Variants in DENND4A observed in about 807,000 individuals in gnomAD.
The protein encoded by DENND4A is C-myc promoter-binding protein.
Under a neutral mutation model 199.3 loss-of-function variants are expected in DENND4A, and 70 were observed. The ratio of observed to expected loss-of-function variants is 0.35; its 90% CI spans 0.29 to 0.43. DENND4A has a LOEUF of 0.43. Among genes scored for constraint, DENND4A ranks in the 20% least tolerant of loss-of-function variants. DENND4A has a pLI of 1.00. For missense variants in DENND4A, 1,723 were observed against 2,255.8 expected (o/e 0.76, Z 4.78); for synonymous variants, 686 against 766.9 (o/e 0.89, Z 1.74).
intron 5 of DENND4A, 47 bp from the exon 6 acceptor site, chr15:65,738,922 G>T: frequency 2.2e-6 from 3 of 1,349,870 alleles, no homozygotes; most frequent in Non-Finnish European, 3.0e-6. Flanking sequence ...TTGAATTTAG[G>T]TACTTATTAT....
chr15:65,718,811 G>A (rs2075507909), intron 12 of DENND4A, among the ~76,000 whole-genome samples: 1 of 96,636 alleles, frequency 1.0e-5, no homozygotes, highest in African/African-American at 3.9e-5. Context: ...ACAGAGTCTT[G>A]GTCTGTCACC....
intron 1 of DENND4A, among the ~76,000 whole-genome samples, chr15:65,768,024 T>C (rs1443287141): frequency 6.6e-6 from 1 of 152,122 alleles, no homozygotes; most frequent in Non-Finnish European, 1.5e-5. Context: ...CAGAGAGAAA[T>C]ATGTAACCAC....
rs2077173440 is a variant in DENND4A at position 65,697,144 on chromosome 15, G to A, written c.2950+123C>T. ...GTGGTGGCTGAGAGGGCACGTAATG[G>A]TAGAAAAGAAAGAGTTATAATGGAA... On this transcript the variant is annotated intron_variant, in intron 21 of 32. Transcript: ENST00000443035. 29 of 623,846 alleles carry A rather than the reference G, an allele frequency of 4.6e-5. 1 individual carries two copies. The South Asian group carries it at 6.2e-4, about 13-fold the overall frequency. 38.6% of individuals were successfully genotyped at this position (623,846 alleles called of 1,614,324 possible).
intron 23 of DENND4A, chr15:65,681,378 T>C (rs192440700): frequency 3.9e-5 from 6 of 152,384 alleles, no homozygotes; most frequent in African/African-American, 1.4e-4. Context: ...GTTTTCAATT[T>C]ATTTTGCCCA....
In DENND4A at chr15:65,702,468, A is replaced by G; in HGVS notation, c.2267T>C (p.Ile756Thr). The stretch of plus-strand genomic sequence containing the variant: ...TAGACACCTAGACCACATCTGAGGG[A>G]TGGAAGAGTACCTCTTTGCAATTTT... ...AHKIAKRYSS[I>T]PQMWSRCLLR... Residue 756 changes from isoleucine to threonine, a missense_variant, in exon 17 of 33, where the codon ATC becomes ACC. Physicochemically the swap from Ile to Thr is moderately conservative, Grantham distance 89. Transcript: ENST00000443035. The G allele has an allele frequency of 1.3e-6, 2 of 1,597,480 alleles. No homozygotes were observed. The highest frequency in any genetic ancestry group is 1.1e-5 in the South Asian group (1 of 87,774).
At chr15:65,745,971 C>CAAAA in intron 4 of DENND4A, among the ~76,000 whole-genome samples, 1 of 137,868 alleles carries the variant, frequency 7.3e-6, no homozygotes, top group African/African-American at 2.8e-5. Context: ...CCGTCTCTAC[C>CAAAA]AAAAAAAAAA....
rs1023965261 is a variant in DENND4A, at chr15:65,665,515, A to T, written c.5242-53T>A. 6 of 1,356,864 alleles carry T rather than the reference A, an allele frequency of 4.4e-6. No individual in the cohort carries two copies. The Middle Eastern group carries it at 9.3e-4, about 211-fold the overall frequency. 84.1% of individuals were successfully genotyped at this position (1,356,864 alleles called of 1,614,324 possible). ...TGATCCTTACATGATAATTTTTCAT[A>T]AGTATTTTATAAAATTCTTATAAAT... On this transcript the variant is annotated intron_variant, in intron 29 of 32. Transcript: ENST00000443035.
At chr15:65,718,038 A>C in intron 12 of DENND4A, 42 bp from the exon 13 acceptor site, 1 of 1,412,402 alleles carries the variant, frequency 7.1e-7, no homozygotes, top group Non-Finnish European at 9.7e-7. Context: ...CAAACTCACA[A>C]AACACTCATG....
intron 7 of DENND4A, among the ~76,000 whole-genome samples, chr15:65,734,580 C>A (rs142608632): frequency 1.3e-5 from 2 of 152,072 alleles, no homozygotes; most frequent in Non-Finnish European, 2.9e-5. Flanking sequence ...TTCCACCTAA[C>A]GAGAAACACC....
chr15:65,771,843 A>C, intron 1 of DENND4A: 2 of 1,612,760 alleles, frequency 1.2e-6, no homozygotes, highest in Non-Finnish European at 1.7e-6. Flanking sequence ...TACTTAAAAC[A>C]GCATAAGCAT....
intron 8 of DENND4A, 132 bp downstream of exon 8, chr15:65,732,620 G>C: frequency 1.8e-6 from 1 of 557,066 alleles, no homozygotes; most frequent in Non-Finnish European, 3.2e-6. Context: ...AACTACAACA[G>C]GTAATAGTAT....
At chr15:65,763,679 CAA>C (rs11357605) in intron 1 of DENND4A, among the ~76,000 whole-genome samples, 286 of 87,536 alleles carry the variant, frequency 3.3e-3, no homozygotes, top group African/African-American at 0.011. Context: ...GACCTTGTCT[CAA>C]AAAAAAAAAA....
chr15:65,755,021 G>GTGGTATACCCAT (rs2076663867), intron 3 of DENND4A, among the ~76,000 whole-genome samples: 1 of 152,176 alleles, frequency 6.6e-6, no homozygotes, highest in Non-Finnish European at 1.5e-5. Context: ...TCCATCAACA[G>GTGGTATACCCAT]ATGAATAAAC....
At chr15:65,705,678 G>A (rs1171877164) in intron 15 of DENND4A, among the ~76,000 whole-genome samples, 1 of 152,104 alleles carries the variant, frequency 6.6e-6, no homozygotes, top group Non-Finnish European at 1.5e-5. Context: ...ACGAAGATTG[G>A]CTCTAAATTA....
chr15:65,790,593 C>T (rs1018285294), intron 1 of DENND4A, among the ~76,000 whole-genome samples: 1 of 152,124 alleles, frequency 6.6e-6, no homozygotes, highest in Non-Finnish European at 1.5e-5. Context: ...ATATGCTGTT[C>T]TGGACTCCTA....
rs921551515 is a variant in DENND4A at position 65,661,662 on chromosome 15, A to C, written c.*189T>G. On this transcript the variant is annotated 3_prime_UTR_variant, in exon 33 of 33. Coordinates refer to ENST00000443035, the MANE Select transcript of DENND4A (RefSeq NM_001320835.1). ...GAAGAAGAAAAAAGAAATGAGAAAC[A>C]AAGTGGCTTTCTCCCCACTTGTCAC... is the stretch of plus-strand genomic sequence containing the variant. 2.4e-6 allele frequency: 1 copy of C among 423,844 alleles called. No individual in the cohort carries two copies. Among genetic ancestry groups the C allele is most frequent in the Non-Finnish European group, 4.1e-6 (1 of 245,162 alleles). The allele number at this position is 423,844 out of a possible 1,614,324, so 26.3% of individuals were successfully genotyped here. A position where few individuals can be genotyped will look rare whatever the true frequency, so the allele number is the denominator to read the frequency against.
In DENND4A at chr15:65,729,102, C is replaced by T; in HGVS notation, c.1457G>A (p.Cys486Tyr). The change falls in exon 11 of 33, where the codon TGT becomes TAT. Residue 486 changes from cysteine (C) to tyrosine (Y), a missense_variant. By Grantham distance (194) the Cys-to-Tyr change is radical (BLOSUM62 -2). Around this residue, in one of 6 missense-constraint regions of DENND4A, gnomAD observed 725 missense variants for 952.9 expected, o/e 0.76. Coordinates refer to ENST00000443035, the MANE Select transcript of DENND4A (RefSeq NM_001320835.1). ...DLYDPPPDVS[C>Y]VDVDTNTISQ... is the part of the protein sequence containing the mutation. ...AATAGTGTTGGTATCTACATCAACA[C>T]AACTGACATCTGGTGGAGGATCATA... is the stretch of plus-strand genomic sequence containing the variant. 1.3e-6 allele frequency: 2 copies of T among 1,591,772 alleles called. No individual in the cohort carries two copies. Among genetic ancestry groups the T allele is most frequent in the South Asian group, 1.1e-5 (1 of 87,354 alleles).
At position 65,679,269 on chromosome 15, in the gene DENND4A, T is replaced by C. The variant is rs1013139596; in HGVS notation, c.4180-2635A>G. 2.6e-5 allele frequency among the ~76,000 whole-genome samples: 4 copies of C among 151,802 alleles called. No individual in the cohort carries two copies. In the South Asian group the frequency reaches 6.2e-4, roughly 24 times the overall value. On this transcript the variant is annotated intron_variant, in intron 23 of 32. Transcript: ENST00000443035. Reference sequence around the variant, plus strand: ...GGTGCATGCCACCACGCCCAGCTAATTTTTTGTATTTTTAGTAGAGATGAG... The same window carrying C: ...GGTGCATGCCACCACGCCCAGCTAACTTTTTGTATTTTTAGTAGAGATGAG...
chr15:65,720,014 G>A lies in DENND4A; in HGVS notation c.1589-2018C>T, dbSNP rs570990854. Among the ~76,000 whole-genome samples the A allele has an allele frequency of 2.6e-5, 4 of 152,244 alleles. No homozygotes were observed. In the East Asian group the frequency reaches 7.7e-4, roughly 29 times the overall value. ...CTTCAAAGATGGCAGAGAATCTGAG[G>A]AACTGTTCAGAAGGAAAGGCAAATA... On this transcript the variant is annotated intron_variant, in intron 12 of 32. Transcript: ENST00000443035.
Sources: gnomAD v4.1 joint callset for allele counts (sites outside exome capture counted in the v4.1 genomes callset) on GRCh38, gnomAD v4.1.1 for gene constraint, gnomAD v4.1.1 regional missense constraint, MANE v1.5 for transcripts, NCBI Gene and HGNC (gene_info 2026-07-23, HGNC 2026-07-21) for gene names.